Variants in JCAD observed in about 807,000 individuals in gnomAD.
JCAD encodes the protein junctional cadherin 5 associated.
A neutral mutation model predicts 98.0 loss-of-function variants in JCAD; 40 were observed. The observed-to-expected ratio is 0.41, with a 90% CI of 0.32 to 0.53. JCAD has a LOEUF of 0.53. Among genes scored for constraint, JCAD ranks in the 20% least tolerant of loss-of-function variants. The pLI is 0.31. For missense variants in JCAD, 1,705 were observed against 1,738.1 expected (o/e 0.98, Z 0.34); for synonymous variants, 691 against 682.3 (o/e 1.01, Z -0.20).
At chr10:30,057,653 A>G (rs1837602239) in intron 1 of JCAD, among the ~76,000 whole-genome samples, 1 of 152,172 alleles carries the variant, frequency 6.6e-6, no homozygotes, top group South Asian at 2.1e-4. Flanking sequence ...TCTCTGCAGC[A>G]AAGGGTGAAG....
At chr10:30,067,978 T>C (rs1393781982) in intron 2 of JCAD, among the ~76,000 whole-genome samples, 1 of 152,162 alleles carries the variant, frequency 6.6e-6, no homozygotes, top group East Asian at 1.9e-4. Context: ...TACCTAAACA[T>C]AGAAAAAGTA....
chr10:30,068,351 A>C (rs989104779), intron 2 of JCAD, among the ~76,000 whole-genome samples: 2 of 138,748 alleles, frequency 1.4e-5, no homozygotes, highest in Non-Finnish European at 3.0e-5. Context: ...AGATTGTGCC[A>C]CTTCACTCCA....
At chr10:30,102,822 C>T (rs567466170) in intron 1 of JCAD, among the ~76,000 whole-genome samples, 1 of 151,876 alleles carries the variant, frequency 6.6e-6, no homozygotes, top group Non-Finnish European at 1.5e-5. Flanking sequence ...GGGGAGGCCT[C>T]ATAATCGTGG....
intron 1 of JCAD, among the ~76,000 whole-genome samples, chr10:30,090,872 A>C (rs1838250147): frequency 6.6e-6 from 1 of 152,134 alleles, no homozygotes; most frequent in African/African-American, 2.4e-5. Context: ...CCGGAGCCAA[A>C]CCCCACGGCA....
At chr10:30,018,296 CT>C (rs68092911) in intron 3 of JCAD, among the ~76,000 whole-genome samples, 175 of 70,540 alleles carry the variant, frequency 2.5e-3, no homozygotes, top group Non-Finnish European at 3.3e-3. Flanking sequence ...TCTTCTTCTT[CT>C]TTTTTTTTTT....
At chr10:30,086,751 C>T (rs1838173045) in intron 1 of JCAD, among the ~76,000 whole-genome samples, 1 of 152,194 alleles carries the variant, frequency 6.6e-6, no homozygotes, top group South Asian at 2.1e-4. Flanking sequence ...AAACTCTTTC[C>T]AATCTGATGC....
intron 1 of JCAD, among the ~76,000 whole-genome samples, chr10:30,080,020 A>G (rs1012215933): frequency 1.8e-4 from 27 of 152,292 alleles, no homozygotes; most frequent in East Asian, 3.9e-4. Context: ...AAAAACTCCT[A>G]TAAGATAATT....
intron 1 of JCAD, among the ~76,000 whole-genome samples, chr10:30,074,448 G>C (rs998420147): frequency 2.6e-4 from 40 of 152,222 alleles, no homozygotes; most frequent in African/African-American, 8.4e-4. Flanking sequence ...CACAGATCGG[G>C]GGTCATGAGG....
intron 3 of JCAD, among the ~76,000 whole-genome samples, chr10:30,018,165 C>T (rs1050540262): frequency 1.3e-5 from 2 of 152,190 alleles, no homozygotes; most frequent in African/African-American, 4.8e-5. Context: ...CTGAATACTT[C>T]GGCGGCTCCT....
intron 1 of JCAD, among the ~76,000 whole-genome samples, chr10:30,074,695 G>A (rs532264825): frequency 6.6e-5 from 10 of 152,220 alleles, no homozygotes; most frequent in Non-Finnish European, 1.5e-4. Flanking sequence ...AGACCATGAG[G>A]CCTGTGTTTC....
intron 2 of JCAD, among the ~76,000 whole-genome samples, chr10:30,065,391 A>G (rs1036822070): frequency 3.3e-5 from 5 of 152,228 alleles, no homozygotes; most frequent in African/African-American, 7.2e-5. Context: ...AAATAAATAA[A>G]TAAAAAGCTG....
At chr10:30,049,280 T>G (rs940894535) in intron 1 of JCAD, among the ~76,000 whole-genome samples, 21 of 152,260 alleles carry the variant, frequency 1.4e-4, no homozygotes, top group African/African-American at 5.1e-4. Flanking sequence ...CAACCCCACT[T>G]CACTGGTGGA....
upstream of JCAD, among the ~76,000 whole-genome samples, chr10:30,061,509 T>C (rs1249703820): frequency 1.4e-5 from 2 of 147,552 alleles, no homozygotes; most frequent in Non-Finnish European, 3.0e-5. Flanking sequence ...GCCACTGCAC[T>C]CCAGCCTGGG....
rs563388639 is a variant in JCAD, at chr10:30,047,596, G to A, written c.217C>T (p.Arg73Cys). ...TCCCCGTGGCCTCTCGGTGTGCTGC[G>A]GCGGCTTTCGGAGTCACTCACATGT... Reference protein sequence around the residue: ...KGHVSDSESRRSTPRGHGEPQ... With the variant: ...KGHVSDSESRCSTPRGHGEPQ... Residue 73 changes from arginine to cysteine, a missense_variant, in exon 2 of 4, where the codon CGC (arginine) becomes TGC (cysteine). This residue lies in a region of JCAD where 152 missense variants were observed against 148.0 expected (regional missense o/e 1.03). Transcript: ENST00000375377. The A allele has an allele frequency of 7.4e-6, 12 of 1,614,132 alleles. No individual in the cohort carries two copies. The highest frequency in any genetic ancestry group is 2.2e-5 in the East Asian group (1 of 44,858).
chr10:30,059,617 C>CGGGCCCGCCCCGCCCACCGCCT (rs1485302173), upstream of JCAD: 4 of 151,670 alleles, frequency 2.6e-5, no homozygotes, highest in African/African-American at 9.7e-5. The surrounding 1 kb of genome is among the most constrained non-coding windows in gnomAD (Gnocchi z 5.0). Flanking sequence ...GCCCACCGCC[C>CGGGCCCGCCCCGCCCACCGCCT]GGGCCCGCCC....
intron 3 of JCAD, among the ~76,000 whole-genome samples, chr10:30,025,239 C>G (rs12785207): frequency 1.3e-5 from 2 of 151,402 alleles, no homozygotes; most frequent in African/African-American, 4.8e-5. Flanking sequence ...TGGACTGGGC[C>G]GGGCTCAGTG....
chr10:30,111,290 C>CA (rs1838697701), intron 1 of JCAD, among the ~76,000 whole-genome samples: 2 of 152,100 alleles, frequency 1.3e-5, no homozygotes, highest in African/African-American at 2.4e-5. Context: ...GCATTTTCTT[C>CA]AAAAAAATTT....
intron 3 of JCAD, among the ~76,000 whole-genome samples, chr10:30,022,578 C>A (rs4572040): frequency 0.29 from 43,410 of 152,052 alleles, 7,016 homozygotes; most frequent in Middle Eastern, 0.38. Context: ...CAGTTGCTCT[C>A]AAGACGAGTG....
intron 1 of JCAD, among the ~76,000 whole-genome samples, chr10:30,079,697 A>G (rs535150805): frequency 6.6e-6 from 1 of 152,316 alleles, no homozygotes; most frequent in African/African-American, 2.4e-5. Flanking sequence ...GAGCAGTGGG[A>G]AAAAGAATTT....
Sources: gnomAD v4.1 joint callset for allele counts (sites outside exome capture counted in the v4.1 genomes callset) on GRCh38, gnomAD v4.1.1 for gene constraint, gnomAD v4.1.1 regional missense constraint, Gnocchi (gnomAD v3.1) non-coding constraint, MANE v1.5 for transcripts, NCBI Gene and HGNC (gene_info 2026-07-23, HGNC 2026-07-21) for gene names.